The following FNTB variants were observed in gnomAD, a reference collection of about 807,000 sequenced individuals.
FNTB encodes the protein farnesyltransferase, CAAX box, subunit beta.
FNTB carries 27 observed loss-of-function variants against 59.4 expected under a neutral mutation model. The ratio of observed to expected loss-of-function variants is 0.45; its 90% CI spans 0.34 to 0.63. FNTB has a LOEUF of 0.63. FNTB is among the 20% of genes least tolerant of loss of function. The pLI, the probability that FNTB is intolerant of heterozygous loss-of-function variation, is 0.02. For missense variants in FNTB, 449 were observed against 559.6 expected (o/e 0.80, Z 1.99); for synonymous variants, 230 against 220.7 (o/e 1.04, Z -0.37).
intron 4 of FNTB, among the ~76,000 whole-genome samples, chr14:65,021,475 G>C (rs992322484): frequency 3.3e-5 from 5 of 152,016 alleles, no homozygotes; most frequent in Non-Finnish European, 7.4e-5. Flanking sequence ...ACCTTTCAGT[G>C]AGGACACCAT....
chr14:65,008,087 T>TA (rs2061623750), intron 2 of FNTB, among the ~76,000 whole-genome samples: 1 of 152,222 alleles, frequency 6.6e-6, no homozygotes, highest in Non-Finnish European at 1.5e-5. Context: ...ATTCCCTTCT[T>TA]ACTGTTGTTC....
Position 64,990,582 on chromosome 14 carries a change from C to T in FNTB, c.144+3485C>T, listed in dbSNP as rs1310460564. 6.6e-6 allele frequency among the ~76,000 whole-genome samples: 1 copy of T among 152,188 alleles called. No homozygotes were observed. The highest frequency in any genetic ancestry group is 1.5e-5 in the Non-Finnish European group (1 of 68,034). ...ATACTGCATTTTCTCTTGTGGTTTC[C>T]CTACACCTGCCCACATCTTTGTAAA... On this transcript the variant is annotated intron_variant, in intron 1 of 11. Coordinates refer to ENST00000246166, the MANE Select transcript of FNTB (RefSeq NM_002028.4). This position sits in a 1 kb window ranked among gnomAD's most constrained non-coding sequence, Gnocchi z 5.2.
Position 64,987,061 on chromosome 14 carries a change from G to T in FNTB, c.108G>T (p.Gln36His). ...LRPEHARERLQDDSVETVTSI... is the reference protein window; with the variant it reads ...LRPEHARERLHDDSVETVTSI... The stretch of plus-strand genomic sequence containing the variant: ...CCGAGCACGCGCGAGAGCGGTTGCA[G>T]GACGACTCGGTGGAAACAGTCACGT... The change falls in exon 1 of 12, where the codon CAG becomes CAT. Residue 36 changes from glutamine to histidine, a missense_variant. Gln to His is a conservative substitution (Grantham distance 24, BLOSUM62 0). Coordinates refer to ENST00000246166, the MANE Select transcript of FNTB (RefSeq NM_002028.4). 1 of 1,614,262 alleles carries T rather than the reference G, an allele frequency of 6.2e-7. No homozygotes were observed.
chr14:65,050,388 C>T (rs11622550), intron 9 of FNTB, among the ~76,000 whole-genome samples: 37,603 of 152,036 alleles, frequency 0.25, 4,804 homozygotes, highest in Non-Finnish European at 0.29. Flanking sequence ...TTTAGGAGTT[C>T]GAGACTGGCT....
intron 11 of FNTB, among the ~76,000 whole-genome samples, chr14:65,059,833 TTTTC>T (rs2062820082): frequency 7.6e-6 from 1 of 132,254 alleles, no homozygotes; most frequent in Admixed American, 7.3e-5. Flanking sequence ...TGTGGTCCTT[TTTTC>T]TTTTTTTTTT....
chr14:65,009,900 C>T lies in FNTB; in HGVS notation c.210-2417C>T, dbSNP rs2061657616. On this transcript the variant is annotated intron_variant, in intron 2 of 11. Transcript: ENST00000246166. This position sits in a 1 kb window ranked among gnomAD's most constrained non-coding sequence, Gnocchi z 4.2. ...TGCTTGTCATTTTCACATGTGTGTC[C>T]ACCTCTGGACTGTCGCTCTAGGGTA... Among the ~76,000 whole-genome samples, 1 of 152,086 alleles carries T rather than the reference C, an allele frequency of 6.6e-6. No individual in the cohort carries two copies. Among genetic ancestry groups the T allele is most frequent in the South Asian group, 2.1e-4 (1 of 4,826 alleles).
chr14:65,034,382 C>T (rs2062146723), intron 7 of FNTB, among the ~76,000 whole-genome samples: 1 of 152,190 alleles, frequency 6.6e-6, no homozygotes, highest in Admixed American at 6.5e-5. Flanking sequence ...AAAAAGGGTA[C>T]CTGGGAGATA....
At chr14:65,006,147 C>T (rs971710055) in intron 2 of FNTB, 1 of 1,587,234 alleles carries the variant, frequency 6.3e-7, no homozygotes, top group South Asian at 1.1e-5. Flanking sequence ...TTGTTTGTTA[C>T]CTTTGTGTCT....
At position 65,036,273 on chromosome 14, in the gene FNTB, G is replaced by A. The variant is rs547256015; in HGVS notation, c.692+3577G>A. ...ATTTTTTGAAAGAGGGTCTCACTTC[G>A]TCACCCAGGCTGGAGTGCAGTGGCG... On this transcript the variant is annotated intron_variant, in intron 7 of 11. Coordinates refer to ENST00000246166, the MANE Select transcript of FNTB (RefSeq NM_002028.4). Among the ~76,000 whole-genome samples, 20 of 152,020 alleles carry A rather than the reference G, an allele frequency of 1.3e-4. No individual in the cohort carries two copies. The South Asian group carries it at 2.9e-3, about 22-fold the overall frequency.
At chr14:65,039,942 G>A (rs1222308854) in intron 7 of FNTB, among the ~76,000 whole-genome samples, 5 of 152,278 alleles carry the variant, frequency 3.3e-5, no homozygotes, top group Admixed American at 1.3e-4. Context: ...TCATCCCAAC[G>A]CTTTGGGATG....
chr14:65,042,658 T>C (rs535148796), intron 8 of FNTB, among the ~76,000 whole-genome samples: 2 of 152,314 alleles, frequency 1.3e-5, no homozygotes, highest in East Asian at 3.9e-4. Context: ...TCCATTTGCT[T>C]TGGGAGAAGT....
At chr14:65,042,666 A>T (rs1404179585) in intron 8 of FNTB, among the ~76,000 whole-genome samples, 1 of 152,232 alleles carries the variant, frequency 6.6e-6, no homozygotes, top group Non-Finnish European at 1.5e-5. Context: ...CTTTGGGAGA[A>T]GTAGGACCCA....
At position 65,062,359 on chromosome 14, in the gene FNTB, T is replaced by G. The variant is rs2062880984; in HGVS notation, c.*1047T>G. The G allele has an allele frequency of 6.6e-6, 1 of 152,466 alleles. No individual in the cohort carries two copies. The highest frequency in any genetic ancestry group is 1.5e-5 in the Non-Finnish European group (1 of 68,090). The allele number at this position is 152,466 out of a possible 1,614,324, so 9.4% of individuals were successfully genotyped here. A position where few individuals can be genotyped will look rare whatever the true frequency, so the allele number is the denominator to read the frequency against. ...ACTGGCTGCTACTAAGGCACTAGCC[T>G]CTGTAGCTGGTGGTGGCAGCGTGGG... On this transcript the variant is annotated 3_prime_UTR_variant, in exon 12 of 12. Coordinates refer to ENST00000246166, the MANE Select transcript of FNTB (RefSeq NM_002028.4). The surrounding 1 kb of genome is among the most constrained non-coding windows in gnomAD (Gnocchi z 4.3).
At position 64,997,671 on chromosome 14, in the gene FNTB, CAAA is replaced by C. The variant is rs1166765843; in HGVS notation, c.145-6577_145-6575del. On this transcript the variant is annotated intron_variant, in intron 1 of 11. Transcript: ENST00000246166. The surrounding 1 kb of genome is among the most constrained non-coding windows in gnomAD (Gnocchi z 4.5). ...GTTTAACTACAGTGTTCAACTGAAA[CAAA>C]GAAGGATGTTGGGGAGGCCCGGAAT... Among the ~76,000 whole-genome samples the C allele has an allele frequency of 1.3e-5, 2 of 152,104 alleles. No homozygotes were observed. The highest frequency in any genetic ancestry group is 3.9e-4 in the East Asian group (2 of 5,194).
intron 3 of FNTB, among the ~76,000 whole-genome samples, chr14:65,013,823 C>T (rs779767579): frequency 6.6e-6 from 1 of 152,252 alleles, no homozygotes; most frequent in Non-Finnish European, 1.5e-5. Flanking sequence ...TCTGGGGTTA[C>T]AGGCGTGAGC....
In FNTB at chr14:65,027,219, T is replaced by C. The variant is rs2061999522; in HGVS notation, c.375-234T>C. Among the ~76,000 whole-genome samples the C allele has an allele frequency of 6.6e-6, 1 of 152,198 alleles. No homozygotes were observed. Reference sequence around the variant, plus strand: ...TCCCAGCCTTGTGTTCCCTGCTTCATGACCAACAAGCGCTTAAGTACGAAA... The same window carrying C: ...TCCCAGCCTTGTGTTCCCTGCTTCACGACCAACAAGCGCTTAAGTACGAAA... On this transcript the variant is annotated intron_variant, in intron 4 of 11. Coordinates refer to ENST00000246166, the MANE Select transcript of FNTB (RefSeq NM_002028.4). The surrounding 1 kb of genome is among the most constrained non-coding windows in gnomAD (Gnocchi z 5.7).
chr14:65,001,029 C>T lies in FNTB; in HGVS notation c.145-3220C>T, dbSNP rs1888581320. 6.6e-6 allele frequency among the ~76,000 whole-genome samples: 1 copy of T among 152,028 alleles called. No individual in the cohort carries two copies. Among genetic ancestry groups the T allele is most frequent in the African/African-American group, 2.4e-5 (1 of 41,392 alleles). On this transcript the variant is annotated intron_variant, in intron 1 of 11. Coordinates refer to ENST00000246166, the MANE Select transcript of FNTB (RefSeq NM_002028.4). The surrounding 1 kb of genome is among the most constrained non-coding windows in gnomAD (Gnocchi z 5.5). ...GGAATGAAATGCCTTTAAACAACTG[C>T]CCCCGGACATGGGTGTTGGGAGCAT...
At chr14:65,055,194 A>C (rs1566579312) in intron 11 of FNTB, among the ~76,000 whole-genome samples, 1 of 152,000 alleles carries the variant, frequency 6.6e-6, no homozygotes, top group Non-Finnish European at 1.5e-5. Flanking sequence ...GTGTTGTTTA[A>C]TGTGTGTTTG....
chr14:64,989,296 T>TAAA (rs1566858807), intron 1 of FNTB, among the ~76,000 whole-genome samples: 1 of 115,220 alleles, frequency 8.7e-6, no homozygotes, highest in Admixed American at 8.9e-5. Context: ...AAAAAAAAAG[T>TAAA]AGCTGAGCGT....
Sources: allele counts gnomAD v4.1 joint callset (sites outside exome capture counted in the v4.1 genomes callset), GRCh38; gene constraint gnomAD v4.1.1; non-coding constraint Gnocchi (gnomAD v3.1); transcripts MANE v1.5; gene names NCBI Gene and HGNC (gene_info 2026-07-23, HGNC 2026-07-21).